Variants in EFCAB7 observed in about 807,000 individuals in gnomAD.
EFCAB7 encodes the protein EF-hand calcium-binding domain-containing protein 7.
In EFCAB7, 66 loss-of-function variants were observed where a neutral mutation model predicts 77.1. The observed-to-expected ratio is 0.86, with a 90% confidence interval of 0.70 to 1.05. The LOEUF (loss-of-function observed/expected upper bound fraction) is 1.05, where lower values mean the gene tolerates loss of function less well. EFCAB7 is among the 50% of genes least tolerant of loss of function. EFCAB7 has a pLI of 0.00. For synonymous variants in EFCAB7, 225 were observed against 243.3 expected, an observed-to-expected ratio of 0.92 and a Z score of 0.70; for missense variants, 638 against 730.5, an observed-to-expected ratio of 0.87 and a Z score of 1.46.
chr1:63,532,041 G>A lies in EFCAB7; in HGVS notation c.399+10G>A, dbSNP rs371898777. The A allele has an allele frequency of 4.4e-6, 7 of 1,595,792 alleles. No homozygotes were observed. Among genetic ancestry groups the A allele is most frequent in the African/African-American group, 1.3e-5 (1 of 74,288 alleles). The stretch of plus-strand genomic sequence containing the variant: ...TAAATTTCTAACAAAGGTAAGATCT[G>A]TAAAACTGTTTTGTAATGTGCATAT... On this transcript the variant is annotated intron_variant, in intron 3 of 13. Coordinates refer to ENST00000371088, the MANE Select transcript of EFCAB7 (RefSeq NM_032437.4).
At position 63,533,577 on chromosome 1, in the gene EFCAB7, G is replaced by C. The variant is rs534803753; in HGVS notation, c.610G>C (p.Asp204His). The change falls in exon 5 of 14, where the codon GAC (aspartate) becomes CAC (histidine). Residue 204 changes from aspartate to histidine, a missense_variant. By Grantham distance (81) the Asp-to-His change is moderately conservative. Coordinates refer to ENST00000371088, the MANE Select transcript of EFCAB7 (RefSeq NM_032437.4). ...GNHIEGSPER[D>H]PSPVPKPSPK... ...CCACATCGAAGGGTCCCCTGAAAGG[G>C]ACCCATCACCAGTACCAAAACCATC... 1.5e-5 allele frequency: 24 copies of C among 1,611,848 alleles called. No homozygotes were observed. The East Asian group carries it at 4.9e-4, about 33-fold the overall frequency.
At chr1:63,543,636 G>C (rs185912693) in intron 6 of EFCAB7, among the ~76,000 whole-genome samples, 258 of 152,228 alleles carry the variant, frequency 1.7e-3, no homozygotes, top group Non-Finnish European at 2.3e-3. Context: ...TTAAAAATGT[G>C]AGCATGAAAC....
intron 3 of EFCAB7, among the ~76,000 whole-genome samples, 200 bp from the exon 4 acceptor site, chr1:63,532,470 A>G (rs541463625): frequency 6.6e-6 from 1 of 152,080 alleles, no homozygotes; most frequent in Non-Finnish European, 1.5e-5. Flanking sequence ...GAAATTCAGC[A>G]CACTTTCACA....
intron 2 of EFCAB7, among the ~76,000 whole-genome samples, chr1:63,527,052 A>G (rs1195712796): frequency 6.6e-6 from 1 of 152,252 alleles, no homozygotes; most frequent in Non-Finnish European, 1.5e-5. Context: ...GGCGTGAGCC[A>G]CCACGCCTGG....
chr1:63,555,508 G>C lies in EFCAB7; in HGVS notation c.1207G>C (p.Glu403Gln). 1 of 1,611,068 alleles carries C rather than the reference G, an allele frequency of 6.2e-7. No homozygotes were observed. The highest frequency in any genetic ancestry group is 8.5e-7 in the Non-Finnish European group (1 of 1,178,524). ...AACAGGGGAATTATTCCTTACAAAG[G>C]AATTTAAGTAAGTTTTGTTTATTAA... ...DETGELFLTK[E>Q]FKSTLSDIFE... Residue 403 changes from glutamate (E) to glutamine (Q), a missense_variant, in exon 9 of 14, where the codon GAA (glutamate) becomes CAA (glutamine). Coordinates refer to ENST00000371088, the MANE Select transcript of EFCAB7 (RefSeq NM_032437.4).
At chr1:63,546,225 C>G (rs1476120360) in intron 7 of EFCAB7, among the ~76,000 whole-genome samples, 168 bp downstream of exon 7, 1 of 152,064 alleles carries the variant, frequency 6.6e-6, no homozygotes, top group East Asian at 1.9e-4. Context: ...CTGTGTTAAT[C>G]ATATGAAAAG....
the EFCAB7 span, among the ~76,000 whole-genome samples, chr1:63,579,143 C>G: frequency 7.2e-5 from 11 of 152,210 alleles, no homozygotes; most frequent in African/African-American, 2.4e-4. Context: ...CATATAACCA[C>G]CACCACAATC....
At chr1:63,542,852 ATATT>A (rs1463460088) in intron 6 of EFCAB7, among the ~76,000 whole-genome samples, 1 of 152,154 alleles carries the variant, frequency 6.6e-6, no homozygotes, top group African/African-American at 2.4e-5. Flanking sequence ...TATGCTCTAT[ATATT>A]AATCCCTTTT....
chr1:63,544,252 G>A (rs1006412802), intron 6 of EFCAB7, among the ~76,000 whole-genome samples: 2 of 152,064 alleles, frequency 1.3e-5, no homozygotes, highest in Non-Finnish European at 2.9e-5. Context: ...TTACAGGTGT[G>A]AGCCACTGTG....
intron 11 of EFCAB7, among the ~76,000 whole-genome samples, chr1:63,565,716 C>T (rs754674549): frequency 1.1e-4 from 17 of 151,936 alleles, no homozygotes; most frequent in East Asian, 3.9e-4. Flanking sequence ...AATGAACAGA[C>T]GCTTTAAAAG....
chr1:63,545,865 C>T (rs746422335), intron 6 of EFCAB7, 51 bp from the exon 7 acceptor site: 7 of 1,507,192 alleles, frequency 4.6e-6, no homozygotes, highest in Non-Finnish European at 6.4e-6. Context: ...ACTATGCATA[C>T]TGGAAACATT....
Position 63,533,588 on chromosome 1 carries a change from A to G in EFCAB7, c.621A>G (p.Pro207=), listed in dbSNP as rs772447948. ...IEGSPERDPS[P]VPKPSPKITR... ...GGTCCCCTGAAAGGGACCCATCACC[A>G]GTACCAAAACCATCACCTAAAATCA... Residue 207 remains proline (P), a synonymous_variant, in exon 5 of 14, where the codon CCA becomes CCG. Transcript: ENST00000371088. 49 of 1,607,934 alleles carry G rather than the reference A, an allele frequency of 3.0e-5. No individual in the cohort carries two copies. Among genetic ancestry groups the G allele is most frequent in the African/African-American group, 5.4e-5 (4 of 74,244 alleles).
chr1:63,575,749 C>G (rs217464), downstream of EFCAB7, among the ~76,000 whole-genome samples: 52,888 of 149,366 alleles, frequency 0.35, 9,401 homozygotes, highest in East Asian at 0.48. Flanking sequence ...ACACCCAGCT[C>G]GTTTTCATAT....
intron 12 of EFCAB7, 56 bp downstream of exon 12, chr1:63,568,575 C>A: frequency 7.5e-7 from 1 of 1,336,918 alleles, no homozygotes; most frequent in Non-Finnish European, 1.1e-6. Flanking sequence ...TAATATATTT[C>A]ATCTTATTCC....
chr1:63,534,240 T>C, intron 6 of EFCAB7, 24 bp downstream of exon 6: 1 of 1,596,846 alleles, frequency 6.3e-7, no homozygotes, highest in Non-Finnish European at 8.5e-7. Context: ...AGTTAACAGA[T>C]GACTTTTTCT....
chr1:63,562,499 C>CTT (rs371313667), intron 11 of EFCAB7, among the ~76,000 whole-genome samples: 3,110 of 73,468 alleles, frequency 0.042, 280 homozygotes, highest in African/African-American at 0.13. Flanking sequence ...ATATATAAAA[C>CTT]TTTTTTTTTT....
At chr1:63,525,272 C>A (rs1646567204) in intron 1 of EFCAB7, among the ~76,000 whole-genome samples, 2 of 152,024 alleles carry the variant, frequency 1.3e-5, no homozygotes, top group South Asian at 4.2e-4. Flanking sequence ...TATCTTTGTT[C>A]TTTTGGCTAT....
intron 13 of EFCAB7, among the ~76,000 whole-genome samples, chr1:63,572,097 CA>C (rs1272650196): frequency 6.6e-6 from 1 of 152,156 alleles, no homozygotes; most frequent in East Asian, 1.9e-4. Flanking sequence ...TAAAACATTC[CA>C]GAACAGGATA....
In EFCAB7 at chr1:63,532,014, T is replaced by C. The variant is rs2100872193; in HGVS notation, c.382T>C (p.Tyr128His). Reference protein sequence around the residue: ...DDGCILHTDLYKFLTKRGEKM... With the variant: ...DDGCILHTDLHKFLTKRGEKM... ...TGGCTGTATTTTACACACTGACCTT[T>C]ATAAATTTCTAACAAAGGTAAGATC... Residue 128 changes from tyrosine to histidine, a missense_variant, in exon 3 of 14, where the codon TAT becomes CAT. Tyr to His is a moderately conservative substitution (Grantham distance 83, BLOSUM62 2). Transcript: ENST00000371088. 1 of 1,608,260 alleles carries C rather than the reference T, an allele frequency of 6.2e-7. No homozygotes were observed. The highest frequency in any genetic ancestry group is 8.5e-7 in the Non-Finnish European group (1 of 1,176,748).
Sources: allele counts gnomAD v4.1 joint callset (sites outside exome capture counted in the v4.1 genomes callset), GRCh38; gene constraint gnomAD v4.1.1; transcripts MANE v1.5; gene names NCBI Gene and HGNC (gene_info 2026-07-23, HGNC 2026-07-21).